The following CD8B2 variants were observed in gnomAD, a reference collection of about 807,000 sequenced individuals.
CD8B2 encodes CD8B family member 2.
CD8B2 carries 11 observed loss-of-function variants against 23.7 expected under a neutral mutation model. The observed-to-expected ratio is 0.46, with a 90% CI of 0.29 to 0.77. The LOEUF (loss-of-function observed/expected upper bound fraction) is 0.77, where lower values mean the gene tolerates loss of function less well. CD8B2 is among the 30% of genes least tolerant of loss of function. CD8B2 has a pLI of 0.09. For synonymous variants in CD8B2, 90 were observed against 109.3 expected (o/e 0.82, Z 1.10); for missense variants, 197 against 270.5 (o/e 0.73, Z 1.91).
chr2:106,496,146 G>C lies in CD8B2; in HGVS notation c.404-27G>C, dbSNP rs1428213737. ...GTCCACGTGGTGTTCACTTGGCTAA[G>C]ATATGTGTCTTGCTTTCTTTCTGTA... On this transcript the variant is annotated intron_variant, in intron 2 of 5. Coordinates refer to ENST00000643224, the MANE Select transcript of CD8B2 (RefSeq NM_001349727.2). The C allele has an allele frequency of 2.1e-5, 32 of 1,547,390 alleles. No homozygotes were observed. The Admixed American group carries it at 6.1e-4, about 30-fold the overall frequency.
At position 106,507,742 on chromosome 2, in the gene CD8B2, G is replaced by T. The variant is rs147848200; in HGVS notation, c.*802G>T. On this transcript the variant is annotated 3_prime_UTR_variant, in exon 6 of 6. Coordinates refer to ENST00000643224, the MANE Select transcript of CD8B2 (RefSeq NM_001349727.2). Reference sequence around the variant, plus strand: ...TGCTCAGTGGAACAGAAACCAGAAGGAGAAAATTTGTACATCCTCCTTTTG... The same window carrying T: ...TGCTCAGTGGAACAGAAACCAGAAGTAGAAAATTTGTACATCCTCCTTTTG... 17,783 of 661,922 alleles carry T rather than the reference G, an allele frequency of 0.027. 174 individuals are homozygous for T. The highest frequency in any genetic ancestry group is 0.03 in the Middle Eastern group (40 of 1,326). 41.0% of individuals were successfully genotyped at this position (661,922 alleles called of 1,614,324 possible).
At chr2:106,525,107 G>A (rs1679889932) in intron 5 of CD8B2, among the ~76,000 whole-genome samples, 1 of 152,164 alleles carries the variant, frequency 6.6e-6, no homozygotes, top group Non-Finnish European at 1.5e-5. Flanking sequence ...TCTGGCTCAG[G>A]TCTGTTTGTT....
intron 5 of CD8B2, among the ~76,000 whole-genome samples, chr2:106,534,536 C>T (rs1428162005): frequency 1.3e-5 from 2 of 152,274 alleles, no homozygotes; most frequent in Middle Eastern, 3.4e-3. Context: ...ATATTCACAA[C>T]CTCAGGAGAG....
intron 5 of CD8B2, among the ~76,000 whole-genome samples, chr2:106,540,546 A>C (rs1483378753): frequency 6.6e-6 from 1 of 151,974 alleles, no homozygotes; most frequent in Non-Finnish European, 1.5e-5. Flanking sequence ...AAAGTAAATC[A>C]AGCAAATAAT....
chr2:106,493,721 C>A (rs1470101412), intron 2 of CD8B2, among the ~76,000 whole-genome samples: 2 of 152,150 alleles, frequency 1.3e-5, no homozygotes, highest in Non-Finnish European at 2.9e-5. Flanking sequence ...GTCAGAAAAT[C>A]TTTGCACGTG....
chr2:106,541,500 G>A (rs1028276541), intron 5 of CD8B2, among the ~76,000 whole-genome samples: 7 of 152,146 alleles, frequency 4.6e-5, no homozygotes, highest in African/African-American at 1.4e-4. Flanking sequence ...GCTAAACATT[G>A]TGCAATGAAC....
At chr2:106,511,243 C>T (rs578012852), downstream of CD8B2, among the ~76,000 whole-genome samples, 1 of 152,290 alleles carries the variant, frequency 6.6e-6, no homozygotes, top group African/African-American at 2.4e-5. Flanking sequence ...CAGCTGTAGA[C>T]TTTGGGCGAG....
At chr2:106,502,145 A>G (rs901018168) in intron 3 of CD8B2, among the ~76,000 whole-genome samples, 63 of 151,712 alleles carry the variant, frequency 4.2e-4, no homozygotes, top group African/African-American at 1.5e-3. Context: ...AAGATACAAA[A>G]ATTAGCCAGG....
chr2:106,498,441 C>T (rs1320626918), intron 3 of CD8B2, among the ~76,000 whole-genome samples: 1 of 152,192 alleles, frequency 6.6e-6, no homozygotes, highest in Non-Finnish European at 1.5e-5. Context: ...AGCCACTACG[C>T]CTGGCCTCTT....
chr2:106,532,694 A>G (rs1378502890), intron 5 of CD8B2, among the ~76,000 whole-genome samples: 1 of 152,184 alleles, frequency 6.6e-6, no homozygotes, highest in Non-Finnish European at 1.5e-5. Flanking sequence ...ACTTCCTGGC[A>G]TTGCCATGGC....
intron 2 of CD8B2, among the ~76,000 whole-genome samples, chr2:106,495,236 C>A (rs934324078): frequency 9.2e-5 from 14 of 152,098 alleles, no homozygotes; most frequent in Non-Finnish European, 1.9e-4. Flanking sequence ...AGCGGTTAAT[C>A]AGGGGTGTAG....
At chr2:106,537,801 G>A (rs1259887326) in intron 5 of CD8B2, among the ~76,000 whole-genome samples, 1 of 152,192 alleles carries the variant, frequency 6.6e-6, no homozygotes, top group Non-Finnish European at 1.5e-5. Flanking sequence ...AGGTTCTGAA[G>A]ATAAAGTTAG....
At position 106,541,954 on chromosome 2, in the gene CD8B2, G is replaced by C. The variant is rs955266357; in HGVS notation, c.621-2038G>C. Among the ~76,000 whole-genome samples the C allele has an allele frequency of 2.0e-5, 3 of 152,272 alleles. No homozygotes were observed. In the East Asian group the frequency reaches 5.8e-4, roughly 29 times the overall value. ...CATCCCATTGCAGTGTAAGCTAGAGGTCAAGGCTGTTCACTCTCTGGCGGG... is the reference window on the plus strand; with the variant it reads ...CATCCCATTGCAGTGTAAGCTAGAGCTCAAGGCTGTTCACTCTCTGGCGGG... On this transcript the variant is annotated intron_variant, in intron 5 of 5. Transcript: ENST00000416057.
intron 2 of CD8B2, among the ~76,000 whole-genome samples, chr2:106,491,688 C>T (rs1679199697): frequency 1.3e-5 from 2 of 152,118 alleles, no homozygotes; most frequent in African/African-American, 4.8e-5. Flanking sequence ...GCTGGGATTA[C>T]AGGCATGAGC....
At chr2:106,538,575 C>T (rs1453002153) in intron 5 of CD8B2, among the ~76,000 whole-genome samples, 2 of 152,228 alleles carry the variant, frequency 1.3e-5, no homozygotes, top group African/African-American at 2.4e-5. Flanking sequence ...TTCACCTTTG[C>T]GCTATCTAGA....
At chr2:106,526,485 G>A (rs955641576) in intron 5 of CD8B2, among the ~76,000 whole-genome samples, 8 of 152,052 alleles carry the variant, frequency 5.3e-5, no homozygotes, top group African/African-American at 9.7e-5. Flanking sequence ...TTTGCCTGTC[G>A]TAGACATTTC....
At chr2:106,538,514 G>A (rs1219689720) in intron 5 of CD8B2, among the ~76,000 whole-genome samples, 2 of 152,056 alleles carry the variant, frequency 1.3e-5, no homozygotes, top group East Asian at 3.9e-4. Context: ...AAGGGTGACT[G>A]TGAATCTGTG....
rs1370804924 is a variant in CD8B2, at chr2:106,499,551, A to C, written c.494-2923A>C. Among the ~76,000 whole-genome samples the C allele has an allele frequency of 3.6e-3, 494 of 135,770 alleles. 4 individuals are homozygous for C. Among genetic ancestry groups the C allele is most frequent in the Non-Finnish European group, 6.3e-3 (393 of 62,218 alleles). 89.1% of individuals were successfully genotyped at this position (135,770 alleles called of 152,430 possible). A position where few individuals can be genotyped will look rare whatever the true frequency, so the allele number is the denominator to read the frequency against. On this transcript the variant is annotated intron_variant, in intron 3 of 5. Coordinates refer to ENST00000643224, the MANE Select transcript of CD8B2 (RefSeq NM_001349727.2). ...TGTCTCAAAAAAAAAAAAAAAAAAA[A>C]CCTTAGTTGAGATATAATTTGCATA... is the stretch of plus-strand genomic sequence containing the variant.
chr2:106,488,453 C>T (rs1292379072), intron 1 of CD8B2, among the ~76,000 whole-genome samples: 1 of 151,910 alleles, frequency 6.6e-6, no homozygotes. Context: ...CGGGAAGAGC[C>T]GGGGTGTGTC....
Sources: allele counts gnomAD v4.1 joint callset (sites outside exome capture counted in the v4.1 genomes callset), GRCh38; gene constraint gnomAD v4.1.1; transcripts MANE v1.5; gene names NCBI Gene and HGNC (gene_info 2026-07-23, HGNC 2026-07-21).